Variants in WDR87 observed in about 807,000 individuals in gnomAD.
WDR87 encodes WD repeat domain 87, also known as WD repeat-containing protein 87.
In WDR87, 56 loss-of-function variants were observed where a neutral mutation model predicts 83.3. The ratio of observed to expected loss-of-function variants is 0.67; its 90% CI spans 0.54 to 0.84. The LOEUF is 0.84. WDR87 is among the 40% of genes least tolerant of loss of function. The pLI, the probability that WDR87 is intolerant of heterozygous loss-of-function variation, is 0.00. For synonymous variants in WDR87, 1,173 were observed against 1,250.6 expected (o/e 0.94, Z 1.31); for missense variants, 2,939 against 3,431.9 (o/e 0.86, Z 3.59).
intron 2 of WDR87, among the ~76,000 whole-genome samples, chr19:37,897,221 T>TG (rs1383290529): frequency 6.7e-6 from 1 of 150,088 alleles, no homozygotes; most frequent in African/African-American, 2.5e-5. Context: ...TTTTTTTTTT[T>TG]TTTGAGACAA....
Position 37,886,573 on chromosome 19 carries a change from T to C in WDR87, c.7098A>G (p.Glu2366=), listed in dbSNP as rs1324863093. Reference sequence around the variant, plus strand: ...CTTCTTCCAATGAGCAGCTCTCCTCTTCCTCTTCCTCGTCACTCAAACTTT... The same window carrying C: ...CTTCTTCCAATGAGCAGCTCTCCTCCTCCTCTTCCTCGTCACTCAAACTTT... ...ETESLSDEEE[E]EESCSLEEEV... Residue 2366 remains glutamate, a synonymous_variant, in exon 6 of 6, where the codon GAA becomes GAG. Coordinates refer to ENST00000447313, the MANE Select transcript of WDR87 (RefSeq NM_001291088.2). The C allele has an allele frequency of 1.3e-6, 2 of 1,517,152 alleles. No homozygotes were observed. Among genetic ancestry groups the C allele is most frequent in the Admixed American group, 4.6e-5 (2 of 43,050 alleles). The allele number at this position is 1,517,152 out of a possible 1,614,324, so 94.0% of individuals were successfully genotyped here. A position where few individuals can be genotyped will look rare whatever the true frequency, so the allele number is the denominator to read the frequency against.
At chr19:37,896,085 A>G (rs528083547) in intron 3 of WDR87, 53 bp downstream of exon 3, 1 of 1,544,624 alleles carries the variant, frequency 6.5e-7, no homozygotes, top group East Asian at 2.4e-5. Context: ...TAACAGTTAT[A>G]TGGGCATGGC....
At chr19:37,905,209 C>T (rs939254069) in intron 1 of WDR87, among the ~76,000 whole-genome samples, 3 of 137,076 alleles carry the variant, frequency 2.2e-5, no homozygotes, top group East Asian at 2.1e-4. Context: ...TCCAGCCTGG[C>T]GACAGAGTGG....
At position 37,887,497 on chromosome 19, in the gene WDR87, A is replaced by G. The variant is rs1328165726; in HGVS notation, c.6174T>C (p.His2058=). The change falls in exon 6 of 6, where the codon CAT becomes CAC. Residue 2058 remains histidine (H), a synonymous_variant. Coordinates refer to ENST00000447313, the MANE Select transcript of WDR87 (RefSeq NM_001291088.2). ...CCTCCATGGCCAATATCCTGTCTTC[A>G]TGTAGCAGTATCTTCTCCTCTAGTG... The part of the protein sequence containing the change: ...KLSLEEKILL[H]EDRILAMEES... 6.4e-7 allele frequency: 1 copy of G among 1,551,714 alleles called. No individual in the cohort carries two copies. Among genetic ancestry groups the G allele is most frequent in the African/African-American group, 1.4e-5 (1 of 73,018 alleles).
chr19:37,885,791 A>ATC lies in WDR87; in HGVS notation c.7878_7879dup (p.Ile2627ArgfsTer8), dbSNP rs1309862071. 1 of 1,551,736 alleles carries ATC rather than the reference A, an allele frequency of 6.4e-7. No individual in the cohort carries two copies. Among genetic ancestry groups the ATC allele is most frequent in the Admixed American group, 2.0e-5 (1 of 50,986 alleles). ...TGGACTCATGGACTGTCTACTTGAGATCCTTGTGTCTTGTGACTCCAGGGC... is the reference window on the plus strand; with the variant it reads ...TGGACTCATGGACTGTCTACTTGAGATCTCCTTGTGTCTTGTGACTCCAGGGC... On this transcript the variant is annotated frameshift_variant, in exon 6 of 6. Transcript: ENST00000447313. LOFTEE classifies it low-confidence loss of function (END_TRUNC).
In WDR87 at chr19:37,885,609, C is replaced by T. The variant is rs1185216733; in HGVS notation, c.8062G>A (p.Glu2688Lys). ...GCAATGGATATCTGCTGTGCCCTCT[C>T]ACTTCTGTAAGGTTCTCCTAGAAGA... is the stretch of plus-strand genomic sequence containing the variant. The part of the protein sequence containing the change: ...WHLLGEPYRS[E>K]RAQQISIAHK... The change falls in exon 6 of 6, where the codon GAG becomes AAG. Residue 2688 changes from glutamate to lysine, a missense_variant. Coordinates refer to ENST00000447313, the MANE Select transcript of WDR87 (RefSeq NM_001291088.2). The T allele has an allele frequency of 1.3e-6, 2 of 1,551,768 alleles. No homozygotes were observed. Among genetic ancestry groups the T allele is most frequent in the South Asian group, 2.4e-5 (2 of 84,066 alleles).
At position 37,887,360 on chromosome 19, in the gene WDR87, C is replaced by G; in HGVS notation, c.6311G>C (p.Ser2104Thr). Residue 2104 changes from serine to threonine, a missense_variant, in exon 6 of 6, where the codon AGC (serine) becomes ACC (threonine). This residue lies in a region of WDR87 where 2,160 missense variants were observed against 2,533.1 expected (regional missense o/e 0.85). Coordinates refer to ENST00000447313, the MANE Select transcript of WDR87 (RefSeq NM_001291088.2). ...CAGTTTTGCTGGTTCCTTGGAAAGGCTCTCCCTTTTTTTAATCAACTTCCT... is the reference window on the plus strand; with the variant it reads ...CAGTTTTGCTGGTTCCTTGGAAAGGGTCTCCCTTTTTTTAATCAACTTCCT... ...ASRKLIKKRE[S>T]LSKEPAKLNK... is the part of the protein sequence containing the mutation. 6.4e-7 allele frequency: 1 copy of G among 1,551,570 alleles called. No individual in the cohort carries two copies. The highest frequency in any genetic ancestry group is 8.7e-7 in the Non-Finnish European group (1 of 1,146,962).
chr19:37,890,612 A>G (rs2046196763), intron 5 of WDR87, among the ~76,000 whole-genome samples: 1 of 152,124 alleles, frequency 6.6e-6, no homozygotes. Context: ...GAGTTTGAAA[A>G]ATGTATACAC....
In WDR87 at chr19:37,894,639, T is replaced by G; in HGVS notation, c.1064A>C (p.Tyr355Ser). 6.4e-7 allele frequency: 1 copy of G among 1,551,694 alleles called. No individual in the cohort carries two copies. Among genetic ancestry groups the G allele is most frequent in the Non-Finnish European group, 8.7e-7 (1 of 1,146,994 alleles). ...AGAGCCACAGACATTGAAGAGGCTG[T>G]AGAAGCAGGGCAGGCGGTGCAAGGA... ...SFSLHRLPCFYSLFNVCGSAP... is the reference protein window; with the variant it reads ...SFSLHRLPCFSSLFNVCGSAP... The change falls in exon 4 of 6, where the codon TAC (tyrosine) becomes TCC (serine). Residue 355 changes from tyrosine to serine, a missense_variant. Coordinates refer to ENST00000447313, the MANE Select transcript of WDR87 (RefSeq NM_001291088.2).
In WDR87 at chr19:37,902,020, A is replaced by ATGTT. The variant is rs200360601; in HGVS notation, c.-46-3739_-46-3736dup. On this transcript the variant is annotated intron_variant, in intron 1 of 5. Transcript: ENST00000447313. ...TATGAGACACTGCACCTGGCCCTCTATGTTTATTTATTTATTTATTTATTT... is the reference window on the plus strand; with the variant it reads ...TATGAGACACTGCACCTGGCCCTCTATGTTTGTTTATTTATTTATTTATTTATTT... Among the ~76,000 whole-genome samples, 998 of 94,810 alleles carry ATGTT rather than the reference A, an allele frequency of 0.011. 32 individuals are homozygous for ATGTT. The East Asian group carries it at 0.12, about 12-fold the overall frequency. 62.2% of individuals were successfully genotyped at this position (94,810 alleles called of 152,430 possible).
rs1390566844 is a variant in WDR87 at position 37,894,593 on chromosome 19, C to G, written c.1110G>C (p.Arg370=). The change falls in exon 4 of 6, where the codon CGG becomes CGC. Residue 370 remains arginine, a synonymous_variant. Transcript: ENST00000447313. ...VCGSAPQQLR[R]VCCGNNWFRI... is the part of the protein sequence containing the mutation. ...GGAACCAGTTATTTCCACAGCAGAC[C>G]CGACGCAACTGCTGGGGAGCAGAGC... 1.3e-6 allele frequency: 2 copies of G among 1,551,680 alleles called. No homozygotes were observed.
intron 1 of WDR87, among the ~76,000 whole-genome samples, chr19:37,904,154 G>C (rs1474574222): frequency 2.6e-5 from 4 of 151,962 alleles, no homozygotes; most frequent in Middle Eastern, 3.4e-3. Context: ...CACCCGCCTC[G>C]GCCTCCCAAA....
At chr19:37,892,387 AAAAG>A (rs780018986) in intron 4 of WDR87, among the ~76,000 whole-genome samples, 187 bp downstream of exon 4, 4 of 152,188 alleles carry the variant, frequency 2.6e-5, no homozygotes, top group Admixed American at 2.6e-4. Flanking sequence ...CTGTCTCAAA[AAAAG>A]AAGGAAGAGG....
rs2046237130 is a variant in WDR87, at chr19:37,894,588, C to T, written c.1115G>A (p.Cys372Tyr). Residue 372 changes from cysteine (C) to tyrosine (Y), a missense_variant, in exon 4 of 6, where the codon TGC (cysteine) becomes TAC (tyrosine). Physicochemically the swap from Cys to Tyr is radical, Grantham distance 194. This residue lies in a region of WDR87 where 553 missense variants were observed against 577.9 expected (regional missense o/e 0.96). Transcript: ENST00000447313. ...GSAPQQLRRV[C>Y]CGNNWFRILC... ...GATCCGGAACCAGTTATTTCCACAG[C>T]AGACCCGACGCAACTGCTGGGGAGC... 1 of 1,551,588 alleles carries T rather than the reference C, an allele frequency of 6.4e-7. No homozygotes were observed.
intron 1 of WDR87, among the ~76,000 whole-genome samples, chr19:37,902,397 T>A (rs906319493): frequency 6.6e-6 from 1 of 151,832 alleles, no homozygotes; most frequent in African/African-American, 2.4e-5. Flanking sequence ...TATTTTTTTT[T>A]AGTAGAGATG....
At position 37,892,731 on chromosome 19, in the gene WDR87, G is replaced by A; in HGVS notation, c.2972C>T (p.Thr991Ile). ...WEGLKRLGMI[T>I]HLFAMPLAQG... ...AGCCAGAGGCATGGCAAAAAGATGA[G>A]TAATCATTCCTAGACGCTTCAGCCC... Residue 991 changes from threonine to isoleucine, a missense_variant, in exon 4 of 6, where the codon ACT becomes ATT. Around this residue, in one of 3 missense-constraint regions of WDR87, gnomAD observed 2,160 missense variants for 2,533.1 expected, o/e 0.85. Transcript: ENST00000447313. The A allele has an allele frequency of 6.4e-7, 1 of 1,551,800 alleles. No homozygotes were observed. Among genetic ancestry groups the A allele is most frequent in the South Asian group, 1.2e-5 (1 of 84,056 alleles).
At chr19:37,897,875 G>A (rs984725973) in intron 2 of WDR87, among the ~76,000 whole-genome samples, 1 of 152,130 alleles carries the variant, frequency 6.6e-6, no homozygotes, top group South Asian at 2.1e-4. Context: ...GCGACAGAAC[G>A]AGACTGTGTC....
intron 2 of WDR87, among the ~76,000 whole-genome samples, chr19:37,896,884 T>G (rs958750890): frequency 2.0e-5 from 3 of 152,164 alleles, no homozygotes; most frequent in African/African-American, 7.2e-5. Context: ...CCTCCCAAAG[T>G]GCTGGGATTA....
At chr19:37,904,361 CT>C (rs754911976) in intron 1 of WDR87, among the ~76,000 whole-genome samples, 402 of 130,422 alleles carry the variant, frequency 3.1e-3, no homozygotes, top group Middle Eastern at 9.2e-3. Flanking sequence ...TGTGTGTGTG[CT>C]TTTTTTTTTT....
Sources: gnomAD v4.1 joint callset for allele counts (sites outside exome capture counted in the v4.1 genomes callset) on GRCh38, gnomAD v4.1.1 for gene constraint, gnomAD v4.1.1 regional missense constraint, MANE v1.5 for transcripts, NCBI Gene and HGNC (gene_info 2026-07-23, HGNC 2026-07-21) for gene names.